The following VEGFC variants were observed in gnomAD, a reference collection of about 807,000 sequenced individuals.
VEGFC encodes the protein vascular endothelial growth factor C, also known as FLT4 ligand DHM.
A neutral mutation model predicts 46.1 loss-of-function variants in VEGFC; 12 were observed. The ratio of observed to expected loss-of-function variants is 0.26; its 90% CI spans 0.17 to 0.42. The LOEUF is 0.42. Ranked by LOEUF, VEGFC falls within the 10% of genes least tolerant of loss-of-function variation. VEGFC has a pLI of 1.00. For missense variants in VEGFC, 488 were observed against 529.4 expected (o/e 0.92, Z 0.77); for synonymous variants, 232 against 195.5 (o/e 1.19, Z -1.56).
intron 1 of VEGFC, among the ~76,000 whole-genome samples, chr4:176,784,005 C>T (rs1321453769): frequency 4.6e-5 from 7 of 151,274 alleles, no homozygotes; most frequent in Admixed American, 2.6e-4. Context: ...CACAAATTTA[C>T]AGAAAGCTTA....
At position 176,711,539 on chromosome 4, in the gene VEGFC, G is replaced by T; in HGVS notation, c.664C>A (p.His222Asn). The change falls in exon 4 of 7, where the codon CAT (histidine) becomes AAT (asparagine). Residue 222 changes from histidine to asparagine, a missense_variant. Transcript: ENST00000618562. ...GGCAGGGAACGTCTAATAATGGAATGAACTTGTCTGTAAACATCCAGTTTA... is the reference window on the plus strand; with the variant it reads ...GGCAGGGAACGTCTAATAATGGAATTAACTTGTCTGTAAACATCCAGTTTA... Reference protein sequence around the residue: ...MSKLDVYRQVHSIIRRSLPAT... With the variant: ...MSKLDVYRQVNSIIRRSLPAT... 6.2e-7 allele frequency: 1 copy of T among 1,613,496 alleles called. No homozygotes were observed. The highest frequency in any genetic ancestry group is 8.5e-7 in the Non-Finnish European group (1 of 1,179,626).
chr4:176,729,970 A>T (rs562508131), intron 1 of VEGFC, among the ~76,000 whole-genome samples: 131 of 152,280 alleles, frequency 8.6e-4, no homozygotes, highest in African/African-American at 3.0e-3. Context: ...TAGGAAAAAA[A>T]TTTTGTGATA....
intron 1 of VEGFC, among the ~76,000 whole-genome samples, chr4:176,767,616 A>G (rs1384751486): frequency 6.6e-6 from 1 of 152,160 alleles, no homozygotes; most frequent in African/African-American, 2.4e-5. Flanking sequence ...TTTCCTTGAC[A>G]CTGTCCACAC....
intron 4 of VEGFC, among the ~76,000 whole-genome samples, chr4:176,698,325 C>A (rs1734361277): frequency 6.6e-6 from 1 of 151,808 alleles, no homozygotes; most frequent in African/African-American, 2.4e-5. Flanking sequence ...ATGCTATCAC[C>A]TTTTGTTTGG....
At chr4:176,697,822 C>T (rs199615227) in intron 4 of VEGFC, among the ~76,000 whole-genome samples, 2,644 of 114,776 alleles carry the variant, frequency 0.023, no homozygotes, top group African/African-American at 0.026. Flanking sequence ...ATGATGAGTT[C>T]ATGTCCTTTG....
intron 4 of VEGFC, among the ~76,000 whole-genome samples, chr4:176,705,235 C>A (rs1246198603): frequency 4.6e-5 from 7 of 152,062 alleles, no homozygotes; most frequent in Non-Finnish European, 7.4e-5. Flanking sequence ...GGAGGAAAAT[C>A]TAGGGGATCG....
At chr4:176,747,739 C>G (rs1234261635) in intron 1 of VEGFC, among the ~76,000 whole-genome samples, 2 of 152,040 alleles carry the variant, frequency 1.3e-5, no homozygotes, top group Non-Finnish European at 2.9e-5. Context: ...CTGCAGTGAG[C>G]TACAATTGTG....
intron 4 of VEGFC, among the ~76,000 whole-genome samples, chr4:176,694,473 C>T (rs948942935): frequency 5.3e-5 from 8 of 151,418 alleles, no homozygotes; most frequent in Non-Finnish European, 1.0e-4. Flanking sequence ...CACCAAGATT[C>T]ATAAAGCAAG....
In VEGFC at chr4:176,739,606, G is replaced by A. The variant is rs978495331; in HGVS notation, c.148-9860C>T. On this transcript the variant is annotated intron_variant, in intron 1 of 6. Coordinates refer to ENST00000618562, the MANE Select transcript of VEGFC (RefSeq NM_005429.5). ...GGGGCCTGTTGTGGGGGGAGCGTAT[G>A]AGGGTAGGGAACGCATCGGAAGAAT... is the stretch of plus-strand genomic sequence containing the variant. Among the ~76,000 whole-genome samples, 6 of 151,998 alleles carry A rather than the reference G, an allele frequency of 3.9e-5. No homozygotes were observed. In the Admixed American group the frequency reaches 4.0e-4, roughly 10 times the overall value.
At chr4:176,763,724 T>C (rs1447031468) in intron 1 of VEGFC, among the ~76,000 whole-genome samples, 1 of 152,208 alleles carries the variant, frequency 6.6e-6, no homozygotes, top group Admixed American at 6.5e-5. Context: ...GATTTAACCT[T>C]ACAGGTTCCA....
chr4:176,704,533 T>C (rs541668763), intron 4 of VEGFC, among the ~76,000 whole-genome samples: 1 of 152,304 alleles, frequency 6.6e-6, no homozygotes, highest in South Asian at 2.1e-4. Flanking sequence ...TGCTTTCTTG[T>C]ATTTCAAACG....
intron 1 of VEGFC, among the ~76,000 whole-genome samples, chr4:176,770,996 A>G (rs921352603): frequency 1.3e-5 from 2 of 151,754 alleles, no homozygotes; most frequent in African/African-American, 4.8e-5. Flanking sequence ...ACACACACAC[A>G]CACACACACA....
chr4:176,785,919 G>A (rs1735995216), intron 1 of VEGFC, among the ~76,000 whole-genome samples: 1 of 152,130 alleles, frequency 6.6e-6, no homozygotes, highest in African/African-American at 2.4e-5. Context: ...TGGCAGAGAT[G>A]TCTATTTCTA....
At chr4:176,775,541 T>C (rs1735800617) in intron 1 of VEGFC, among the ~76,000 whole-genome samples, 1 of 152,206 alleles carries the variant, frequency 6.6e-6, no homozygotes, top group Non-Finnish European at 1.5e-5. Context: ...TCATGTGACA[T>C]ATGCAAGCAG....
chr4:176,710,423 A>AG lies in VEGFC; in HGVS notation c.704+1075dup, dbSNP rs1343870133. ...TAAGATCTTTGCTTTCTCACATAAA[A>AG]GGGGACAGATCTCTGTCACTCAAAT... On this transcript the variant is annotated intron_variant, in intron 4 of 6. Coordinates refer to ENST00000618562, the MANE Select transcript of VEGFC (RefSeq NM_005429.5). Among the ~76,000 whole-genome samples, 10 of 152,254 alleles carry AG rather than the reference A, an allele frequency of 6.6e-5. No individual in the cohort carries two copies. In the East Asian group the frequency reaches 7.8e-4, roughly 12 times the overall value.
intron 3 of VEGFC, among the ~76,000 whole-genome samples, chr4:176,721,907 G>T (rs1734793409): frequency 6.6e-6 from 1 of 152,066 alleles, no homozygotes; most frequent in African/African-American, 2.4e-5. Context: ...AATACAAGGA[G>T]AGTTACAGTC....
intron 1 of VEGFC, among the ~76,000 whole-genome samples, chr4:176,780,381 C>CAAAAAAAAAAAA (rs1252541684): frequency 1.6e-4 from 2 of 12,248 alleles, no homozygotes; most frequent in African/African-American, 2.5e-4. Context: ...GACTCCATCT[C>CAAAAAAAAAAAA]AAAAAAAAAA....
intron 3 of VEGFC, among the ~76,000 whole-genome samples, chr4:176,714,665 C>T (rs1418391658): frequency 6.6e-6 from 1 of 152,158 alleles, no homozygotes; most frequent in Admixed American, 6.5e-5. Context: ...ATCATTCCTG[C>T]TCCCACTGAT....
chr4:176,749,798 C>T (rs1735312345), intron 1 of VEGFC, among the ~76,000 whole-genome samples: 1 of 151,682 alleles, frequency 6.6e-6, no homozygotes, highest in Non-Finnish European at 1.5e-5. Flanking sequence ...TTGGCGGAGT[C>T]TCTTACATGA....
Sources: allele counts gnomAD v4.1 joint callset (sites outside exome capture counted in the v4.1 genomes callset), GRCh38; gene constraint gnomAD v4.1.1; transcripts MANE v1.5; gene names NCBI Gene and HGNC (gene_info 2026-07-23, HGNC 2026-07-21).